Variants in HSF2 observed in about 807,000 individuals in gnomAD.
HSF2 encodes heat shock factor protein 2.
In HSF2, 21 loss-of-function variants were observed where a neutral mutation model predicts 65.0. The ratio of observed to expected loss-of-function variants is 0.32; its 90% CI spans 0.23 to 0.47. The LOEUF (loss-of-function observed/expected upper bound fraction) is 0.47. HSF2 is among the 20% of genes least tolerant of loss of function. The probability of loss-of-function intolerance (pLI) is 1.00; values close to 1 mark genes in which losing one functional copy is unlikely to be tolerated. For missense variants in HSF2, 499 were observed against 628.1 expected, an observed-to-expected ratio of 0.79 and a Z score of 2.20; for synonymous variants, 225 against 219.1, an observed-to-expected ratio of 1.03 and a Z score of -0.24.
intron 1 of HSF2, among the ~76,000 whole-genome samples, chr6:122,412,061 T>C (rs1313427495): frequency 6.6e-6 from 1 of 151,974 alleles, no homozygotes; most frequent in Non-Finnish European, 1.5e-5. Flanking sequence ...AATTATGCTG[T>C]CTACATAATT....
intron 5 of HSF2, among the ~76,000 whole-genome samples, 194 bp from the exon 6 acceptor site, chr6:122,418,974 A>G (rs1316732823): frequency 6.6e-6 from 1 of 152,196 alleles, no homozygotes; most frequent in Admixed American, 6.5e-5. Context: ...CACCAAAACA[A>G]ATAAACTGCC....
At chr6:122,416,539 A>T (rs1202738330) in intron 5 of HSF2, among the ~76,000 whole-genome samples, 1 of 152,230 alleles carries the variant, frequency 6.6e-6, no homozygotes, top group Non-Finnish European at 1.5e-5. Flanking sequence ...GCTTTTAGTA[A>T]ATGATCTTTT....
rs920295990 is a variant in HSF2, at chr6:122,420,384, T to G, written c.681+162T>G. 5.3e-6 allele frequency: 3 copies of G among 568,690 alleles called. No homozygotes were observed. In the African/African-American group the frequency reaches 5.8e-5, roughly 11 times the overall value. The allele number at this position is 568,690 out of a possible 1,614,324, so 35.2% of individuals were successfully genotyped here. On this transcript the variant is annotated intron_variant, in intron 7 of 12. Coordinates refer to ENST00000368455, the MANE Select transcript of HSF2 (RefSeq NM_004506.4). ...TTTTTTATTATTTGCTTTAGATTAT[T>G]GTAAGAAATAAATCATCACAAATCT...
At chr6:122,419,667 A>G (rs989206681) in intron 6 of HSF2, among the ~76,000 whole-genome samples, 4 of 152,170 alleles carry the variant, frequency 2.6e-5, no homozygotes, top group African/African-American at 9.7e-5. Flanking sequence ...AAATGTCAGT[A>G]GCTACTATTG....
Position 122,399,689 on chromosome 6 carries a change from T to C in HSF2, c.-49T>C, listed in dbSNP as rs1562195038. The C allele has an allele frequency of 2.0e-6, 3 of 1,526,866 alleles. No individual in the cohort carries two copies. Among genetic ancestry groups the C allele is most frequent in the Admixed American group, 1.7e-5 (1 of 57,848 alleles). The allele number at this position is 1,526,866 out of a possible 1,614,324, so 94.6% of individuals were successfully genotyped here. A position where few individuals can be genotyped will look rare whatever the true frequency, so the allele number is the denominator to read the frequency against. Reference sequence around the variant, plus strand: ...CTGCTGCCGTAGCTGCCGCCGCCGCTACCACCGCGTTCGGGTGTAGAATTT... The same window carrying C: ...CTGCTGCCGTAGCTGCCGCCGCCGCCACCACCGCGTTCGGGTGTAGAATTT... On this transcript the variant is annotated 5_prime_UTR_variant, in exon 1 of 13. Coordinates refer to ENST00000368455, the MANE Select transcript of HSF2 (RefSeq NM_004506.4).
chr6:122,412,332 C>A, intron 1 of HSF2, 41 bp from the exon 2 acceptor site: 1 of 1,184,294 alleles, frequency 8.4e-7, no homozygotes, highest in Non-Finnish European at 1.3e-6. Flanking sequence ...GTCATAGGAA[C>A]TTAACTAATT....
intron 7 of HSF2, 138 bp from the exon 8 acceptor site, chr6:122,422,012 G>A (rs545001401): frequency 6.6e-6 from 4 of 609,110 alleles, no homozygotes; most frequent in South Asian, 2.1e-5. Context: ...TGTAAGTTCC[G>A]TAAGAGCAGA....
chr6:122,407,090 G>A (rs1773883347), intron 1 of HSF2, among the ~76,000 whole-genome samples: 1 of 152,104 alleles, frequency 6.6e-6, no homozygotes, highest in African/African-American at 2.4e-5. Flanking sequence ...CATTTAGAGA[G>A]TATGAAGACA....
chr6:122,427,419 A>T (rs773650158), intron 10 of HSF2, among the ~76,000 whole-genome samples: 10 of 152,012 alleles, frequency 6.6e-5, no homozygotes, highest in Non-Finnish European at 1.3e-4. Context: ...CAACAAGTAG[A>T]TATGCCATCT....
intron 11 of HSF2, 146 bp from the exon 12 acceptor site, chr6:122,431,283 TC>T: frequency 2.8e-6 from 1 of 352,386 alleles, no homozygotes; most frequent in Admixed American, 4.6e-5. Flanking sequence ...TACTCAGATC[TC>T]TCTCTGTAGC....
chr6:122,422,603 A>G (rs772339372), intron 8 of HSF2, 115 bp from the exon 9 acceptor site: 5 of 1,084,568 alleles, frequency 4.6e-6, no homozygotes, highest in Non-Finnish European at 6.8e-6. Context: ...CGCTCAAGAA[A>G]TTTAAGCCTT....
intron 2 of HSF2, 40 bp from the exon 3 acceptor site, chr6:122,412,597 C>G: frequency 1.3e-6 from 2 of 1,598,818 alleles, no homozygotes; most frequent in Non-Finnish European, 1.7e-6. Flanking sequence ...CAAATTTTGA[C>G]TTGTTTATTT....
chr6:122,419,637 C>T (rs992818672), intron 6 of HSF2, among the ~76,000 whole-genome samples: 2 of 152,162 alleles, frequency 1.3e-5, no homozygotes, highest in East Asian at 3.9e-4. Context: ...TGTATCTCAG[C>T]CATGGGTTGT....
chr6:122,422,280 T>A lies in HSF2; in HGVS notation c.812T>A (p.Val271Asp), dbSNP rs1411265059. ...GTTATTCCAGAAACTAATGAGGATG[T>A]TATATCTGATCCCTCCAAGTAAGGA... is the stretch of plus-strand genomic sequence containing the variant. ...IPVIPETNED[V>D]ISDPSNCSQY... Residue 271 changes from valine to aspartate, a missense_variant, in exon 8 of 13, where the codon GTT (valine) becomes GAT (aspartate). By Grantham distance (152) the Val-to-Asp change is radical (BLOSUM62 -3). Coordinates refer to ENST00000368455, the MANE Select transcript of HSF2 (RefSeq NM_004506.4). The A allele has an allele frequency of 3.8e-6, 6 of 1,598,796 alleles. No homozygotes were observed. Among genetic ancestry groups the A allele is most frequent in the Non-Finnish European group, 4.3e-6 (5 of 1,167,318 alleles).
chr6:122,412,561 G>C, intron 2 of HSF2, 76 bp from the exon 3 acceptor site: 1 of 1,568,974 alleles, frequency 6.4e-7, no homozygotes, highest in Non-Finnish European at 8.8e-7. Flanking sequence ...GGGTGGTAAA[G>C]GAAAATTATT....
rs1236999397 is a variant in HSF2 at position 122,422,224 on chromosome 6, T to C, written c.756T>C (p.Thr252=). The C allele has an allele frequency of 9.4e-6, 15 of 1,592,698 alleles. No individual in the cohort carries two copies. Among genetic ancestry groups the C allele is most frequent in the African/African-American group, 1.3e-5 (1 of 74,454 alleles). Residue 252 remains threonine (T), a synonymous_variant, in exon 8 of 13, where the codon ACT becomes ACC. Transcript: ENST00000368455. Reference sequence around the variant, plus strand: ...ATGACATCATTATTTATGATGTTACTGATGATAATGCAGATGAAGAAAATA... The same window carrying C: ...ATGACATCATTATTTATGATGTTACCGATGATAATGCAGATGAAGAAAATA... The part of the protein sequence containing the change: ...ISDDIIIYDV[T]DDNADEENIP...
At chr6:122,409,546 G>A (rs1286692964) in intron 1 of HSF2, among the ~76,000 whole-genome samples, 1 of 151,988 alleles carries the variant, frequency 6.6e-6, no homozygotes, top group Non-Finnish European at 1.5e-5. Context: ...AGGAAAAGAC[G>A]TATGCATTTT....
chr6:122,400,386 A>G (rs551458778), intron 1 of HSF2, among the ~76,000 whole-genome samples: 1 of 152,360 alleles, frequency 6.6e-6, no homozygotes, highest in South Asian at 2.1e-4. Context: ...AACGCAGGTT[A>G]CTGCTTATCA....
chr6:122,423,715 C>G, intron 10 of HSF2, 29 bp downstream of exon 10: 1 of 1,260,034 alleles, frequency 7.9e-7, no homozygotes, highest in Non-Finnish European at 1.2e-6. Context: ...CTTTGCTATA[C>G]TGGTAGTTTG....
Sources: gnomAD v4.1 joint callset for allele counts (sites outside exome capture counted in the v4.1 genomes callset) on GRCh38, gnomAD v4.1.1 for gene constraint, MANE v1.5 for transcripts, NCBI Gene and HGNC (gene_info 2026-07-23, HGNC 2026-07-21) for gene names.